Variants in ATP9A observed in about 807,000 individuals in gnomAD.
ATP9A encodes the protein probable phospholipid-transporting ATPase IIA.
A neutral mutation model predicts 144.1 loss-of-function variants in ATP9A; 52 were observed. The observed-to-expected ratio is 0.36, with a 90% CI of 0.29 to 0.45. The LOEUF is 0.45. ATP9A is among the 20% of genes least tolerant of loss of function. ATP9A has a pLI of 1.00. For missense variants in ATP9A, 947 were observed against 1,392.7 expected (o/e 0.68, Z 5.09); for synonymous variants, 582 against 557.4 (o/e 1.04, Z -0.62).
intron 4 of ATP9A, among the ~76,000 whole-genome samples, chr20:51,707,171 G>A (rs982701939): frequency 8.5e-5 from 13 of 152,120 alleles, no homozygotes; most frequent in East Asian, 1.9e-4. Context: ...GGTGGGTCCC[G>A]TACTTGGTTT....
At chr20:51,712,248 G>A (rs1486356291) in intron 4 of ATP9A, among the ~76,000 whole-genome samples, 3 of 151,852 alleles carry the variant, frequency 2.0e-5, no homozygotes, top group Non-Finnish European at 2.9e-5. Flanking sequence ...AATTTTTTTT[G>A]TATTTTTAGT....
chr20:51,607,673 G>T, intron 25 of ATP9A, 89 bp from the exon 26 acceptor site: 1 of 951,768 alleles, frequency 1.1e-6, no homozygotes. Context: ...TCCCGCTAAC[G>T]AGATAAGGCA....
intron 3 of ATP9A, among the ~76,000 whole-genome samples, chr20:51,724,117 G>T (rs1009065414): frequency 3.3e-5 from 5 of 152,036 alleles, no homozygotes; most frequent in African/African-American, 1.2e-4. Flanking sequence ...GTTGTGGTGA[G>T]CTGAAATTGC....
chr20:51,752,044 G>C (rs1237461993), intron 1 of ATP9A, among the ~76,000 whole-genome samples: 6 of 87,846 alleles, frequency 6.8e-5, no homozygotes, highest in Non-Finnish European at 1.5e-4. Flanking sequence ...GGCAAGGTAG[G>C]AACAACAACA....
intron 1 of ATP9A, among the ~76,000 whole-genome samples, chr20:51,748,948 T>C (rs1571959): frequency 0.4 from 55,016 of 137,572 alleles, 11,041 homozygotes; most frequent in Middle Eastern, 0.46. Context: ...GATAGATAGA[T>C]AGACAGACAG....
Position 51,753,063 on chromosome 20 carries a change from T to C in ATP9A, c.68+15239A>G, listed in dbSNP as rs556539848. ...GTTGCAGTGAGCCAGGATGGCGCCA[T>C]TGCACTCCAGCGTGGGCAACAAGAG... On this transcript the variant is annotated intron_variant, in intron 1 of 27. Transcript: ENST00000338821. Among the ~76,000 whole-genome samples, 556 of 150,904 alleles carry C rather than the reference T, an allele frequency of 3.7e-3. 4 individuals carry two copies. Among genetic ancestry groups the C allele is most frequent in the African/African-American group, 0.012 (483 of 41,048 alleles).
chr20:51,763,314 CT>C (rs199506194), intron 1 of ATP9A, among the ~76,000 whole-genome samples: 10,384 of 135,034 alleles, frequency 0.077, 456 homozygotes, highest in East Asian at 0.24. Context: ...GGTTTACATA[CT>C]TTTTTTTTTT....
At chr20:51,723,853 C>G (rs2077700710) in intron 3 of ATP9A, among the ~76,000 whole-genome samples, 1 of 152,082 alleles carries the variant, frequency 6.6e-6, no homozygotes, top group African/African-American at 2.4e-5. Flanking sequence ...CCGTGCCCGG[C>G]CTAAAAGCAA....
chr20:51,623,938 C>T (rs542404595), intron 18 of ATP9A, among the ~76,000 whole-genome samples: 2 of 152,314 alleles, frequency 1.3e-5, no homozygotes, highest in African/African-American at 4.8e-5. Context: ...TGGTAAGTCA[C>T]ATGCACACTC....
chr20:51,671,803 A>AT (rs1555835166), intron 11 of ATP9A, among the ~76,000 whole-genome samples: 239 of 144,974 alleles, frequency 1.6e-3, no homozygotes, highest in East Asian at 7.6e-3. Flanking sequence ...GAATTTGACT[A>AT]CTTTTTTTTT....
intron 3 of ATP9A, among the ~76,000 whole-genome samples, chr20:51,718,281 A>C (rs2077671009): frequency 6.6e-6 from 1 of 152,054 alleles, no homozygotes; most frequent in Non-Finnish European, 1.5e-5. Context: ...ATGCATAAGT[A>C]AGAAGGCACT....
chr20:51,662,316 G>A (rs909992104), intron 13 of ATP9A, among the ~76,000 whole-genome samples: 28 of 152,162 alleles, frequency 1.8e-4, no homozygotes, highest in Non-Finnish European at 1.0e-4. Flanking sequence ...GGGGGAAGAC[G>A]AGTGGATCGC....
At chr20:51,673,306 G>A (rs1042552953) in intron 11 of ATP9A, among the ~76,000 whole-genome samples, 2 of 152,074 alleles carry the variant, frequency 1.3e-5, no homozygotes, top group Non-Finnish European at 2.9e-5. Flanking sequence ...CCCAGGAGGT[G>A]GAGGCTGCAG....
Position 51,629,637 on chromosome 20 carries a change from C to G in ATP9A, c.1669-565G>C, listed in dbSNP as rs556547297. ...TTAGCAAATGTCTCCTGGGGGCAAA[C>G]TGACTGTCTCAGCTGAGAATAATTC... On this transcript the variant is annotated intron_variant, in intron 15 of 27. Coordinates refer to ENST00000338821, the MANE Select transcript of ATP9A (RefSeq NM_006045.3). 2.0e-5 allele frequency among the ~76,000 whole-genome samples: 3 copies of G among 152,358 alleles called. No individual in the cohort carries two copies. The South Asian group carries it at 6.2e-4, about 32-fold the overall frequency.
intron 14 of ATP9A, among the ~76,000 whole-genome samples, chr20:51,654,165 C>T (rs2077378088): frequency 6.6e-6 from 1 of 152,128 alleles, no homozygotes; most frequent in Admixed American, 6.6e-5. Context: ...ATTTTTCACT[C>T]CTAAAAAGCC....
intron 3 of ATP9A, among the ~76,000 whole-genome samples, chr20:51,716,285 C>T (rs1014248856): frequency 2.6e-5 from 4 of 151,906 alleles, no homozygotes; most frequent in African/African-American, 9.7e-5. Flanking sequence ...CATATTAGTA[C>T]CAAGAAAAAA....
chr20:51,748,165 C>T (rs1481412891), intron 1 of ATP9A, among the ~76,000 whole-genome samples: 1 of 152,148 alleles, frequency 6.6e-6, no homozygotes, highest in African/African-American at 2.4e-5. Flanking sequence ...AATACATAGG[C>T]CAGGTGCAGT....
chr20:51,689,600 C>T (rs922653015), intron 8 of ATP9A, among the ~76,000 whole-genome samples: 8 of 150,534 alleles, frequency 5.3e-5, no homozygotes, highest in Admixed American at 2.6e-4. Context: ...TGCAGTGGCG[C>T]GATCTCGGCC....
intron 1 of ATP9A, 115 bp from the exon 2 acceptor site, chr20:51,730,093 A>C (rs1601133304): frequency 7.2e-5 from 84 of 1,168,180 alleles, no homozygotes; most frequent in African/African-American, 1.6e-5. Context: ...GCTCAGGACC[A>C]CAGCCATATT....
Sources: allele counts gnomAD v4.1 joint callset (sites outside exome capture counted in the v4.1 genomes callset), GRCh38; gene constraint gnomAD v4.1.1; transcripts MANE v1.5; gene names NCBI Gene and HGNC (gene_info 2026-07-23, HGNC 2026-07-21).